The following KALRN variants were observed in gnomAD, a reference collection of about 807,000 sequenced individuals.
The protein encoded by KALRN is kalirin.
In KALRN, 70 loss-of-function variants were observed where a neutral mutation model predicts 353.7. The ratio of observed to expected loss-of-function variants is 0.20; its 90% confidence interval spans 0.16 to 0.24. The LOEUF is 0.24. KALRN is among the 10% of genes least tolerant of loss of function. KALRN has a pLI of 1.00. For missense variants in KALRN, 2,791 were observed against 3,756.7 expected, an observed-to-expected ratio of 0.74 and a Z score of 6.72; for synonymous variants, 1,391 against 1,434.8, an observed-to-expected ratio of 0.97 and a Z score of 0.69.
intron 11 of KALRN, among the ~76,000 whole-genome samples, chr3:124,388,470 C>T (rs531649091): frequency 7.9e-5 from 12 of 152,108 alleles, no homozygotes; most frequent in African/African-American, 1.7e-4. Flanking sequence ...GTAGTACACA[C>T]GTGGCATTAG....
In KALRN at chr3:124,712,901, G is replaced by A. The variant is rs201947183; in HGVS notation, c.8076-34G>A. 2.4e-5 allele frequency: 36 copies of A among 1,490,848 alleles called. 1 individual carries two copies. The highest frequency in any genetic ancestry group is 1.7e-4 in the Middle Eastern group (1 of 5,816). The allele number at this position is 1,490,848 out of a possible 1,614,324, so 92.4% of individuals were successfully genotyped here. A position where few individuals can be genotyped will look rare whatever the true frequency, so the allele number is the denominator to read the frequency against. On this transcript the variant is annotated intron_variant, in intron 57 of 59. Transcript: ENST00000682506. ...AATAAAATATATCTAGTTAATTAAT[G>A]AATGTTGGCAAACTCTCCCTTTTGT...
intron 1 of KALRN, among the ~76,000 whole-genome samples, chr3:124,212,624 A>G (rs2150519984): frequency 6.6e-6 from 1 of 152,276 alleles, no homozygotes; most frequent in Middle Eastern, 3.4e-3. Flanking sequence ...GTTCCTTCAC[A>G]TAGACATGCA....
intron 5 of KALRN, among the ~76,000 whole-genome samples, chr3:124,274,132 C>T (rs975973253): frequency 6.6e-6 from 1 of 152,178 alleles, no homozygotes; most frequent in Non-Finnish European, 1.5e-5. Flanking sequence ...GAAGATCCTC[C>T]CCCGACACAC....
chr3:124,327,524 T>C (rs945332602), intron 7 of KALRN, among the ~76,000 whole-genome samples: 1 of 152,176 alleles, frequency 6.6e-6, no homozygotes, highest in African/African-American at 2.4e-5. Context: ...GTAAATTGTG[T>C]TTTATACATT....
At chr3:124,060,878 G>A (rs1009437893) in intron 1 of KALRN, among the ~76,000 whole-genome samples, 3 of 152,216 alleles carry the variant, frequency 2.0e-5, no homozygotes, top group African/African-American at 7.2e-5. Flanking sequence ...AGCCAGGCAA[G>A]GCCTGGGGCC....
chr3:124,374,600 CCTTTTCCT>C lies in KALRN; in HGVS notation c.1771-10235_1771-10228del, dbSNP rs1486424495. On this transcript the variant is annotated intron_variant, in intron 10 of 59. Transcript: ENST00000682506. ...ACCCACCTTTCCACGTCAGGAACAG[CCTTTTCCT>C]CTTTTCCTCCGTTAGGAATGGAACA... Among the ~76,000 whole-genome samples the C allele has an allele frequency of 2.0e-5, 3 of 151,886 alleles. No individual in the cohort carries two copies. In the South Asian group the frequency reaches 6.2e-4, roughly 32 times the overall value.
chr3:124,641,888 A>G (rs1029555737), intron 37 of KALRN, among the ~76,000 whole-genome samples: 2 of 152,182 alleles, frequency 1.3e-5, no homozygotes, highest in Non-Finnish European at 2.9e-5. Context: ...GAGAAACAAG[A>G]GCTTCCTGGC....
chr3:124,642,806 G>GTTTCTTTGTTGTTGTTGTTTTTTT (rs2082196587), intron 37 of KALRN, among the ~76,000 whole-genome samples: 6 of 96,820 alleles, frequency 6.2e-5, no homozygotes, highest in African/African-American at 2.2e-4. Flanking sequence ...CCCAAGCCTC[G>GTTTCTTTGTTGTTGTTGTTTTTTT]TTTTTTTTTT....
chr3:124,435,813 C>CT (rs933874716), intron 17 of KALRN, among the ~76,000 whole-genome samples: 61 of 151,268 alleles, frequency 4.0e-4, no homozygotes, highest in African/African-American at 1.2e-3. Flanking sequence ...TCCCAGCAAG[C>CT]TTTTTTTTTG....
intron 45 of KALRN, among the ~76,000 whole-genome samples, chr3:124,663,230 A>G (rs2085124953): frequency 6.6e-6 from 1 of 152,194 alleles, no homozygotes. Context: ...TATAGGCGTG[A>G]GCCACCACAC....
intron 2 of KALRN, among the ~76,000 whole-genome samples, chr3:124,232,152 C>T (rs908749122): frequency 6.6e-6 from 1 of 152,158 alleles, no homozygotes; most frequent in Admixed American, 6.5e-5. Flanking sequence ...CTGGGCATAC[C>T]CCATTTATAT....
intron 32 of KALRN, among the ~76,000 whole-genome samples, chr3:124,493,797 C>A (rs754669574): frequency 2.6e-5 from 4 of 152,200 alleles, no homozygotes; most frequent in Non-Finnish European, 4.4e-5. Flanking sequence ...GGTGGAGAAA[C>A]CTCCATGGGG....
intron 1 of KALRN, among the ~76,000 whole-genome samples, chr3:124,091,836 CTAA>C (rs1432929269): frequency 6.6e-6 from 1 of 152,224 alleles, no homozygotes; most frequent in Non-Finnish European, 1.5e-5. Context: ...CAAAAACCTA[CTAA>C]TAAGGCTGTG....
At chr3:124,533,968 C>T (rs1344613765) in intron 33 of KALRN, among the ~76,000 whole-genome samples, 9 of 152,160 alleles carry the variant, frequency 5.9e-5, no homozygotes, top group African/African-American at 7.2e-5. Flanking sequence ...TGAGAGGTCA[C>T]GTTGATAGCA....
chr3:124,693,282 T>C (rs1006801956), intron 51 of KALRN, among the ~76,000 whole-genome samples: 1 of 152,074 alleles, frequency 6.6e-6, no homozygotes, highest in African/African-American at 2.4e-5. Flanking sequence ...GCTTGAAGAG[T>C]CGTTTCCCCT....
intron 10 of KALRN, among the ~76,000 whole-genome samples, chr3:124,353,483 C>G (rs1185665038): frequency 6.6e-6 from 1 of 152,092 alleles, no homozygotes; most frequent in Non-Finnish European, 1.5e-5. Flanking sequence ...TGTTCTAACC[C>G]TCTAAGAAAT....
Position 124,694,425 on chromosome 3 carries a change from C to T in KALRN, c.7499C>T (p.Pro2500Leu). 1 of 1,614,182 alleles carries T rather than the reference C, an allele frequency of 6.2e-7. No individual in the cohort carries two copies. Among genetic ancestry groups the T allele is most frequent in the Non-Finnish European group, 8.5e-7 (1 of 1,180,024 alleles). The change falls in exon 53 of 60, where the codon CCC (proline) becomes CTC (leucine). Residue 2500 changes from proline to leucine, a missense_variant. Pro to Leu is a moderately conservative substitution (Grantham distance 98). Transcript: ENST00000682506. The part of the protein sequence containing the change: ...LQCKVCGRPK[P>L]TITWKGPDQN... ...TGCAAAGTCTGTGGGCGGCCAAAGC[C>T]CACCATCACTTGGAAGGGTCCAGAC...
intron 4 of KALRN, among the ~76,000 whole-genome samples, chr3:124,266,001 G>C (rs949138492): frequency 3.3e-5 from 5 of 152,134 alleles, no homozygotes; most frequent in Non-Finnish European, 7.3e-5. Context: ...TGTAATCCAA[G>C]CTACTCAAGA....
intron 37 of KALRN, among the ~76,000 whole-genome samples, chr3:124,643,056 A>C (rs2082282728): frequency 6.6e-6 from 1 of 151,828 alleles, no homozygotes; most frequent in African/African-American, 2.4e-5. Context: ...ACCTCACGTG[A>C]TCCGCCTGCC....
Sources: gnomAD v4.1 joint callset for allele counts (sites outside exome capture counted in the v4.1 genomes callset) on GRCh38, gnomAD v4.1.1 for gene constraint, MANE v1.5 for transcripts, NCBI Gene and HGNC (gene_info 2026-07-23, HGNC 2026-07-21) for gene names.